Variants in TNFRSF19 observed in about 807,000 individuals in gnomAD.
TNFRSF19 encodes the protein tumor necrosis factor receptor superfamily member 19.
A neutral mutation model predicts 46.4 loss-of-function variants in TNFRSF19; 27 were observed. The observed-to-expected ratio is 0.58, with a 90% CI of 0.43 to 0.80. TNFRSF19 has a LOEUF of 0.80. Among genes scored for constraint, TNFRSF19 ranks in the 30% least tolerant of loss-of-function variants. The pLI is 0.00. For missense variants in TNFRSF19, 511 were observed against 530.8 expected (o/e 0.96, Z 0.37); for synonymous variants, 204 against 205.0 (o/e 1.00, Z 0.04).
chr13:23,581,873 T>C (rs979791395), intron 1 of TNFRSF19, among the ~76,000 whole-genome samples: 18 of 152,198 alleles, frequency 1.2e-4, no homozygotes, highest in Non-Finnish European at 2.1e-4. Context: ...CCAAAGCCCT[T>C]TTAAAACTGA....
At chr13:23,598,953 TCA>T (rs1331847328) in intron 3 of TNFRSF19, among the ~76,000 whole-genome samples, 1 of 152,242 alleles carries the variant, frequency 6.6e-6, no homozygotes. Flanking sequence ...GTCTTGTCAT[TCA>T]TAGATTTTTG....
chr13:23,580,160 T>C (rs927785633), intron 1 of TNFRSF19, among the ~76,000 whole-genome samples: 1 of 152,232 alleles, frequency 6.6e-6, no homozygotes, highest in African/African-American at 2.4e-5. Context: ...TTGGCTAATA[T>C]ACTCCTGGAG....
intron 5 of TNFRSF19, among the ~76,000 whole-genome samples, chr13:23,639,821 G>A (rs755312892): frequency 1.3e-5 from 2 of 152,206 alleles, no homozygotes; most frequent in African/African-American, 2.4e-5. Context: ...ATTTCCAAGC[G>A]CTGCACATGG....
At chr13:23,617,171 G>C (rs1371397496) in intron 4 of TNFRSF19, among the ~76,000 whole-genome samples, 4 of 152,118 alleles carry the variant, frequency 2.6e-5, no homozygotes. Context: ...TTCTCAGGTG[G>C]GCATCTACCT....
chr13:23,645,350 C>T (rs926091071), intron 5 of TNFRSF19, among the ~76,000 whole-genome samples: 8 of 151,950 alleles, frequency 5.3e-5, no homozygotes, highest in African/African-American at 1.9e-4. Flanking sequence ...TACAGGTGTG[C>T]ACCACCATGC....
intron 7 of TNFRSF19, among the ~76,000 whole-genome samples, chr13:23,660,984 G>A (rs1884330534): frequency 6.6e-6 from 1 of 152,152 alleles, no homozygotes; most frequent in Admixed American, 6.5e-5. Context: ...GAAAGTTTAG[G>A]AAAGTAATTC....
chr13:23,637,074 A>G (rs9580704), intron 5 of TNFRSF19, among the ~76,000 whole-genome samples: 5,277 of 152,200 alleles, frequency 0.035, 327 homozygotes, highest in African/African-American at 0.12. Flanking sequence ...CAAGTGAAAC[A>G]CGTATTTGAA....
At chr13:23,650,232 T>C in intron 5 of TNFRSF19, among the ~76,000 whole-genome samples, 1 of 152,182 alleles carries the variant, frequency 6.6e-6, no homozygotes, top group East Asian at 1.9e-4. Flanking sequence ...TGATAGCAGG[T>C]GAAACAAGTA....
At chr13:23,644,636 G>A (rs958719609) in intron 5 of TNFRSF19, among the ~76,000 whole-genome samples, 5 of 152,180 alleles carry the variant, frequency 3.3e-5, no homozygotes, top group South Asian at 2.1e-4. Context: ...CAGTGAAAAC[G>A]ATATCAGGCA....
At chr13:23,635,336 AC>A (rs1933695615) in intron 5 of TNFRSF19, among the ~76,000 whole-genome samples, 1 of 152,360 alleles carries the variant, frequency 6.6e-6, no homozygotes. Context: ...CAAATTTCAA[AC>A]AGGAATTAAT....
chr13:23,655,495 C>T (rs1202234527), intron 5 of TNFRSF19, among the ~76,000 whole-genome samples: 1 of 152,174 alleles, frequency 6.6e-6, no homozygotes, highest in Non-Finnish European at 1.5e-5. Context: ...CTTTCGGAAT[C>T]CTAATAAGAT....
At chr13:23,577,488 G>A (rs1379453007) in intron 1 of TNFRSF19, among the ~76,000 whole-genome samples, 1 of 152,190 alleles carries the variant, frequency 6.6e-6, no homozygotes, top group African/African-American at 2.4e-5. Flanking sequence ...TTCTCTGAAA[G>A]TGTTTTTAAC....
chr13:23,664,950 G>A (rs990684983), intron 7 of TNFRSF19, among the ~76,000 whole-genome samples: 1 of 152,192 alleles, frequency 6.6e-6, no homozygotes, highest in Non-Finnish European at 1.5e-5. Flanking sequence ...GTATAGTTGG[G>A]CCATCATTGA....
intron 3 of TNFRSF19, among the ~76,000 whole-genome samples, chr13:23,595,793 C>G (rs1023956577): frequency 2.8e-4 from 42 of 152,082 alleles, no homozygotes; most frequent in Non-Finnish European, 6.0e-4. Context: ...CGAGCAACCC[C>G]AAGACACATA....
intron 5 of TNFRSF19, among the ~76,000 whole-genome samples, chr13:23,638,997 A>T (rs1297546970): frequency 2.0e-5 from 3 of 152,164 alleles, no homozygotes; most frequent in African/African-American, 7.2e-5. Flanking sequence ...TCCTATTGAG[A>T]AGAAATAAGA....
rs774481628 is a variant in TNFRSF19 at position 23,673,357 on chromosome 13, C to G, written c.1246-15C>G. ...AGACATTATTTCTAAAGCTTCCTTTCTGTTGCTGTTTTAGGAAGCTTAAAG... is the reference window on the plus strand; with the variant it reads ...AGACATTATTTCTAAAGCTTCCTTTGTGTTGCTGTTTTAGGAAGCTTAAAG... On this transcript the variant is annotated splice_polypyrimidine_tract_variant and intron_variant, in intron 9 of 9. Coordinates refer to ENST00000248484, the MANE Select transcript of TNFRSF19 (RefSeq NM_148957.4). 3 of 1,598,426 alleles carry G rather than the reference C, an allele frequency of 1.9e-6. No individual in the cohort carries two copies. The East Asian group carries it at 6.7e-5, about 36-fold the overall frequency.
chr13:23,657,790 G>A (rs1884081022), intron 5 of TNFRSF19, among the ~76,000 whole-genome samples: 1 of 152,022 alleles, frequency 6.6e-6, no homozygotes, highest in East Asian at 1.9e-4. Context: ...TAGGCTCAAG[G>A]GATCCTCTCA....
chr13:23,642,692 G>A (rs1883098488), intron 5 of TNFRSF19, among the ~76,000 whole-genome samples: 1 of 152,250 alleles, frequency 6.6e-6, no homozygotes, highest in African/African-American at 2.4e-5. Context: ...TGGACCAGTG[G>A]AGGGAGGCTC....
At chr13:23,592,500 A>G (rs904795410) in intron 2 of TNFRSF19, among the ~76,000 whole-genome samples, 2 of 152,246 alleles carry the variant, frequency 1.3e-5, no homozygotes, top group Non-Finnish European at 2.9e-5. Flanking sequence ...AAAATGACAA[A>G]TAACCTCTGT....
Sources: allele counts gnomAD v4.1 joint callset (sites outside exome capture counted in the v4.1 genomes callset), GRCh38; gene constraint gnomAD v4.1.1; transcripts MANE v1.5; gene names NCBI Gene and HGNC (gene_info 2026-07-23, HGNC 2026-07-21).